MKLN1: variants seen among roughly 807,000 people sequenced by gnomAD.
MKLN1 encodes muskelin 1.
MKLN1 carries 18 observed loss-of-function variants against 99.0 expected under a neutral mutation model. The ratio of observed to expected loss-of-function variants is 0.18; its 90% CI spans 0.13 to 0.27. The LOEUF (loss-of-function observed/expected upper bound fraction) is 0.27. MKLN1 is among the 10% of genes least tolerant of loss of function. MKLN1 has a pLI of 1.00. For missense variants in MKLN1, 621 were observed against 875.9 expected, an observed-to-expected ratio of 0.71 and a Z score of 3.67; for synonymous variants, 288 against 293.2, an observed-to-expected ratio of 0.98 and a Z score of 0.18.
intron 4 of MKLN1, among the ~76,000 whole-genome samples, chr7:131,391,023 G>A (rs987463464): frequency 6.6e-6 from 1 of 151,708 alleles, no homozygotes; most frequent in African/African-American, 2.4e-5. Flanking sequence ...ATACCGGTCA[G>A]CAGTGTATTT....
At chr7:131,185,847 G>T (rs377082061) in intron 2 of MKLN1, among the ~76,000 whole-genome samples, 1 of 152,136 alleles carries the variant, frequency 6.6e-6, no homozygotes, top group Non-Finnish European at 1.5e-5. Flanking sequence ...GGCCTAGCAC[G>T]TATTTTGTAC....
chr7:131,213,408 T>C (rs568140607), intron 3 of MKLN1, among the ~76,000 whole-genome samples: 1 of 152,336 alleles, frequency 6.6e-6, no homozygotes, highest in South Asian at 2.1e-4. Context: ...AGTGATGCTA[T>C]AACAAACAAT....
At chr7:131,354,450 A>G (rs527505604) in intron 1 of MKLN1, among the ~76,000 whole-genome samples, 3 of 143,594 alleles carry the variant, frequency 2.1e-5, no homozygotes, top group Non-Finnish European at 3.0e-5. Flanking sequence ...ATAGAAATGC[A>G]TTTGATTGTT....
At chr7:131,160,682 CTTT>C (rs5887499) in intron 2 of MKLN1, among the ~76,000 whole-genome samples, 2 of 119,594 alleles carry the variant, frequency 1.7e-5, no homozygotes, top group Non-Finnish European at 1.8e-5. Context: ...CCACACTGTG[CTTT>C]TTTTTTTTTT....
At chr7:131,128,649 G>A (rs540772031) in intron 1 of MKLN1, among the ~76,000 whole-genome samples, 1 of 152,132 alleles carries the variant, frequency 6.6e-6, no homozygotes, top group Non-Finnish European at 1.5e-5. Flanking sequence ...ATAGGGTCTT[G>A]TTCTGTTGCC....
At chr7:131,267,894 A>G (rs1458430034) in intron 3 of MKLN1, among the ~76,000 whole-genome samples, 2 of 152,224 alleles carry the variant, frequency 1.3e-5, no homozygotes, top group South Asian at 2.1e-4. Context: ...ATAATTGCCT[A>G]TTAGTATTGT....
At chr7:131,247,639 A>G (rs535877803) in intron 3 of MKLN1, among the ~76,000 whole-genome samples, 48 of 152,198 alleles carry the variant, frequency 3.2e-4, no homozygotes, top group African/African-American at 9.4e-4. Flanking sequence ...TCCAATCAAA[A>G]CTGCCCCAGT....
chr7:131,375,351 C>T (rs1234823899), intron 1 of MKLN1, 73 bp from the exon 2 acceptor site: 6 of 903,616 alleles, frequency 6.6e-6, no homozygotes, highest in African/African-American at 6.6e-5. Context: ...ATGATAATTT[C>T]AGCATCTGGT....
chr7:131,139,384 T>C (rs992703364), intron 1 of MKLN1, among the ~76,000 whole-genome samples: 1 of 151,776 alleles, frequency 6.6e-6, no homozygotes, highest in Non-Finnish European at 1.5e-5. Flanking sequence ...TGTCCATCCA[T>C]TAGGCCTTGA....
At chr7:131,290,794 T>C (rs904196544) in intron 3 of MKLN1, among the ~76,000 whole-genome samples, 2 of 152,248 alleles carry the variant, frequency 1.3e-5, no homozygotes, top group African/African-American at 4.8e-5. Flanking sequence ...TAATTCCTAA[T>C]GAACATACTT....
At chr7:131,446,019 G>T in intron 12 of MKLN1, 116 bp downstream of exon 12, 2 of 598,162 alleles carry the variant, frequency 3.3e-6, no homozygotes, top group East Asian at 3.1e-5. Flanking sequence ...CTTTAATTGA[G>T]TAATTCCAAG....
At chr7:131,446,678 T>C (rs1796027835) in intron 12 of MKLN1, among the ~76,000 whole-genome samples, 2 of 152,246 alleles carry the variant, frequency 1.3e-5, no homozygotes, top group Non-Finnish European at 2.9e-5. Flanking sequence ...TATTGATTAA[T>C]ACAAGCTTCC....
chr7:131,474,007 G>A (rs981986095), intron 16 of MKLN1, among the ~76,000 whole-genome samples: 3 of 151,996 alleles, frequency 2.0e-5, no homozygotes, highest in Non-Finnish European at 2.9e-5. Flanking sequence ...AAAATTGGCC[G>A]GGCATGGTGG....
chr7:131,191,918 C>T (rs1183212090), intron 2 of MKLN1, among the ~76,000 whole-genome samples: 1 of 149,262 alleles, frequency 6.7e-6, no homozygotes, highest in African/African-American at 2.5e-5. Context: ...TGGGTTTTCA[C>T]CATGTTGCCC....
intron 1 of MKLN1, among the ~76,000 whole-genome samples, chr7:131,329,280 G>A (rs1439835649): frequency 1.3e-5 from 2 of 152,200 alleles, no homozygotes; most frequent in Admixed American, 1.3e-4. Context: ...CAGGTCAAGG[G>A]TTGGCATTCA....
intron 2 of MKLN1, among the ~76,000 whole-genome samples, chr7:131,156,129 A>C (rs1356932368): frequency 6.6e-6 from 1 of 152,242 alleles, no homozygotes; most frequent in African/African-American, 2.4e-5. Context: ...TGCAAAAGTC[A>C]TTGCGGGTTT....
At chr7:131,370,478 T>C (rs1357770995) in intron 1 of MKLN1, among the ~76,000 whole-genome samples, 18 of 151,798 alleles carry the variant, frequency 1.2e-4, no homozygotes, top group African/African-American at 4.1e-4. Flanking sequence ...TTTTTTTTTT[T>C]AGTAAGTTTT....
At chr7:131,292,403 T>C (rs1431797370) in intron 3 of MKLN1, among the ~76,000 whole-genome samples, 2 of 152,196 alleles carry the variant, frequency 1.3e-5, no homozygotes, top group Non-Finnish European at 2.9e-5. Flanking sequence ...ATATTAGGGC[T>C]CGAATCATGT....
chr7:131,126,479 T>G (rs1300970584), intron 1 of MKLN1, among the ~76,000 whole-genome samples: 2 of 152,216 alleles, frequency 1.3e-5, no homozygotes, highest in African/African-American at 4.8e-5. Context: ...AAAATGAGAA[T>G]GTAGGTACAT....
Sources: allele counts gnomAD v4.1 joint callset (sites outside exome capture counted in the v4.1 genomes callset), GRCh38; gene constraint gnomAD v4.1.1; transcripts MANE v1.5; gene names NCBI Gene and HGNC (gene_info 2026-07-23, HGNC 2026-07-21).